Variants in IL16 observed in about 807,000 individuals in gnomAD.
The protein encoded by IL16 is interleukin 16, also known as pro-interleukin-16.
Under a neutral mutation model 110.1 loss-of-function variants are expected in IL16, and 67 were observed. The ratio of observed to expected loss-of-function variants is 0.61; its 90% CI spans 0.50 to 0.75. The LOEUF is 0.75. Among genes scored for constraint, IL16 ranks in the 30% least tolerant of loss-of-function variants. The pLI is 0.00. For synonymous variants in IL16, 689 were observed against 662.9 expected (o/e 1.04, Z -0.61); for missense variants, 1,545 against 1,655.0 (o/e 0.93, Z 1.15).
At chr15:81,230,490 A>C (rs1222118297) in intron 2 of IL16, among the ~76,000 whole-genome samples, 2 of 152,178 alleles carry the variant, frequency 1.3e-5, no homozygotes, top group Non-Finnish European at 2.9e-5. Context: ...GAGATAAAGA[A>C]ATAGATTTGA....
At chr15:81,257,554 G>A (rs1195446725) in intron 2 of IL16, among the ~76,000 whole-genome samples, 5 of 152,126 alleles carry the variant, frequency 3.3e-5, no homozygotes, top group Non-Finnish European at 5.9e-5. Flanking sequence ...ACATAAGAGG[G>A]AAAAGCCAAG....
intron 8 of IL16, among the ~76,000 whole-genome samples, chr15:81,281,976 G>C (rs1899198988): frequency 6.6e-6 from 1 of 152,194 alleles, no homozygotes; most frequent in African/African-American, 2.4e-5. Context: ...ATAGGAATGA[G>C]ATCATGTCAC....
At chr15:81,276,912 G>A (rs762518976) in intron 6 of IL16, among the ~76,000 whole-genome samples, 34 of 151,992 alleles carry the variant, frequency 2.2e-4, no homozygotes, top group Admixed American at 8.5e-4. Context: ...AAAGAGGAGC[G>A]TTAGCCCTTA....
intron 1 of IL16, among the ~76,000 whole-genome samples, chr15:81,184,907 GT>G (rs1189150612): frequency 6.6e-6 from 1 of 152,176 alleles, no homozygotes; most frequent in Non-Finnish European, 1.5e-5. Flanking sequence ...TGAGCATGTG[GT>G]CATGGTGGTT....
In IL16 at chr15:81,202,723, A is replaced by C. The variant is rs1272311842; in HGVS notation, c.-102+5571A>C. Among the ~76,000 whole-genome samples the C allele has an allele frequency of 4.6e-5, 7 of 152,254 alleles. No individual in the cohort carries two copies. In the South Asian group the frequency reaches 1.0e-3, roughly 23 times the overall value. ...CCACATTTTCTTAATCCAGTCTATC[A>C]TTGTTGGACATTTAGGTTGGTTCCA... On this transcript the variant is annotated intron_variant, in intron 1 of 18. Coordinates refer to ENST00000683961, the MANE Select transcript of IL16 (RefSeq NM_172217.5).
rs1276505822 is a variant in IL16, at chr15:81,191,309, G to A, written c.40+8413G>A. Among the ~76,000 whole-genome samples, 6 of 152,186 alleles carry A rather than the reference G, an allele frequency of 3.9e-5. No individual in the cohort carries two copies. In the East Asian group the frequency reaches 1.2e-3, roughly 29 times the overall value. The stretch of plus-strand genomic sequence containing the variant: ...GAGCTAAGAGAGATACTGTGAATAT[G>A]TTTTTTAAGTTCCATTTAAACCTGG... On this transcript the variant is annotated intron_variant, in intron 1 of 18. Transcript: ENST00000302987.
intron 18 of IL16, among the ~76,000 whole-genome samples, chr15:81,308,156 T>C (rs1444746099): frequency 2.0e-5 from 3 of 152,222 alleles, no homozygotes; most frequent in South Asian, 2.1e-4. Context: ...CCTGTAAATA[T>C]TGTTGCACAA....
At chr15:81,216,338 T>C (rs997132885) in intron 1 of IL16, among the ~76,000 whole-genome samples, 5 of 152,178 alleles carry the variant, frequency 3.3e-5, no homozygotes, top group Non-Finnish European at 7.4e-5. Context: ...TGAGGCATCC[T>C]TCAGTTCCCT....
At position 81,278,897 on chromosome 15, in the gene IL16, A is replaced by C; in HGVS notation, c.864+7A>C. 6.2e-7 allele frequency: 1 copy of C among 1,601,780 alleles called. No homozygotes were observed. Among genetic ancestry groups the C allele is most frequent in the Non-Finnish European group, 8.6e-7 (1 of 1,168,676 alleles). ...TGCTTTGCAGAAGTTCAAGGTGACCATTTCTTATCAACACGTGACCAAACT... is the reference window on the plus strand; with the variant it reads ...TGCTTTGCAGAAGTTCAAGGTGACCCTTTCTTATCAACACGTGACCAAACT... On this transcript the variant is annotated splice_region_variant and intron_variant, in intron 7 of 18. Transcript: ENST00000683961.
intron 1 of IL16, among the ~76,000 whole-genome samples, chr15:81,216,856 A>G (rs952947777): frequency 6.6e-6 from 1 of 152,164 alleles, no homozygotes; most frequent in Non-Finnish European, 1.5e-5. Context: ...TCTCCACTGC[A>G]TACTAAGTAG....
intron 3 of IL16, among the ~76,000 whole-genome samples, chr15:81,264,584 G>T (rs1898292891): frequency 6.6e-6 from 1 of 152,114 alleles, no homozygotes; most frequent in Non-Finnish European, 1.5e-5. Flanking sequence ...TCCTCTAGGG[G>T]AATTTTTCAC....
At chr15:81,202,774 C>A (rs1895867519) in intron 1 of IL16, among the ~76,000 whole-genome samples, 1 of 151,752 alleles carries the variant, frequency 6.6e-6, no homozygotes, top group African/African-American at 2.4e-5. Context: ...GAATAGTGCC[C>A]CAATAAACAT....
chr15:81,295,344 A>G, intron 12 of IL16: 1 of 1,165,638 alleles, frequency 8.6e-7, no homozygotes. Flanking sequence ...GCTAATTCTG[A>G]AGTCTCCCAT....
intron 1 of IL16, among the ~76,000 whole-genome samples, chr15:81,212,502 C>T (rs1896286086): frequency 1.3e-5 from 2 of 151,938 alleles, no homozygotes; most frequent in South Asian, 4.2e-4. Context: ...GACAGGGTCT[C>T]ACTCTCTTGC....
chr15:81,267,297 A>G (rs1358563527), intron 4 of IL16, among the ~76,000 whole-genome samples: 1 of 152,140 alleles, frequency 6.6e-6, no homozygotes, highest in African/African-American at 2.4e-5. Flanking sequence ...GTTACATTCC[A>G]CCAGGAAGGA....
intron 15 of IL16, 34 bp downstream of exon 15, chr15:81,301,546 A>G (rs1028148873): frequency 6.3e-7 from 1 of 1,580,510 alleles, no homozygotes. Flanking sequence ...GCAGTAACCA[A>G]TGGCTTATTA....
At chr15:81,193,976 CAT>C (rs1015843376), upstream of IL16, among the ~76,000 whole-genome samples, 7 of 151,810 alleles carry the variant, frequency 4.6e-5, no homozygotes, top group African/African-American at 1.7e-4. Context: ...TATTCTGCGT[CAT>C]GTTACATTAC....
chr15:81,206,204 T>A (rs1024191533), intron 1 of IL16, among the ~76,000 whole-genome samples: 3 of 152,014 alleles, frequency 2.0e-5, no homozygotes, highest in Non-Finnish European at 2.9e-5. Flanking sequence ...AGAAATTTCA[T>A]CGTCGTACAA....
chr15:81,183,430 G>T (rs1895374762), intron 1 of IL16, among the ~76,000 whole-genome samples: 1 of 152,192 alleles, frequency 6.6e-6, no homozygotes, highest in Non-Finnish European at 1.5e-5. Context: ...CTTCCTGCAG[G>T]TACAGCCCAA....
Sources: gnomAD v4.1 joint callset for allele counts (sites outside exome capture counted in the v4.1 genomes callset) on GRCh38, gnomAD v4.1.1 for gene constraint, MANE v1.5 for transcripts, NCBI Gene and HGNC (gene_info 2026-07-23, HGNC 2026-07-21) for gene names.